LRFN5: variants seen among roughly 807,000 people sequenced by gnomAD.
LRFN5 encodes leucine-rich repeat and fibronectin type-III domain-containing protein 5.
A neutral mutation model predicts 45.6 loss-of-function variants in LRFN5; 24 were observed. The observed-to-expected ratio is 0.53, with a 90% CI of 0.38 to 0.74. The LOEUF is 0.74. Among genes scored for constraint, LRFN5 ranks in the 30% least tolerant of loss-of-function variants. LRFN5 has a pLI of 0.00. For synonymous variants in LRFN5, 340 were observed against 313.8 expected (o/e 1.08, Z -0.88); for missense variants, 776 against 861.5 (o/e 0.90, Z 1.24).
intron 1 of LRFN5, among the ~76,000 whole-genome samples, chr14:41,719,986 C>A (rs1207458526): frequency 6.6e-6 from 1 of 151,896 alleles, no homozygotes; most frequent in Non-Finnish European, 1.5e-5. Flanking sequence ...TTTTAACTTT[C>A]ATTTTAGATT....
At chr14:41,895,169 T>A (rs891268968) in intron 4 of LRFN5, among the ~76,000 whole-genome samples, 1 of 152,106 alleles carries the variant, frequency 6.6e-6, no homozygotes, top group Non-Finnish European at 1.5e-5. Context: ...TGTCCCCCAA[T>A]TGAAAATATA....
chr14:41,646,034 G>C (rs144734673), intron 1 of LRFN5, among the ~76,000 whole-genome samples: 6 of 152,124 alleles, frequency 3.9e-5, no homozygotes, highest in African/African-American at 1.4e-4. Flanking sequence ...AGTATACAGT[G>C]GTGTTTCAAT....
chr14:41,892,486 A>C, intron 4 of LRFN5: 1 of 978,710 alleles, frequency 1.0e-6, no homozygotes, highest in Middle Eastern at 5.3e-4. Context: ...TATTGCATAA[A>C]AAATGATATT....
intron 2 of LRFN5, among the ~76,000 whole-genome samples, chr14:41,840,015 C>G (rs1888804569): frequency 6.6e-6 from 1 of 152,040 alleles, no homozygotes; most frequent in Non-Finnish European, 1.5e-5. Flanking sequence ...TAACCCCAAT[C>G]TGTAAATTTA....
chr14:41,882,887 C>T (rs1376957000), intron 2 of LRFN5, among the ~76,000 whole-genome samples: 1 of 119,374 alleles, frequency 8.4e-6, no homozygotes, highest in Non-Finnish European at 1.6e-5. Context: ...CTCGTTCTGT[C>T]ACCCAGGCTG....
chr14:41,666,983 T>A (rs1880931226), intron 1 of LRFN5, among the ~76,000 whole-genome samples: 1 of 152,146 alleles, frequency 6.6e-6, no homozygotes, highest in Non-Finnish European at 1.5e-5. Context: ...TTTGTAGGAT[T>A]TTTATTGTAT....
intron 4 of LRFN5, chr14:41,892,983 A>C: frequency 1.0e-6 from 1 of 985,178 alleles, no homozygotes; most frequent in Non-Finnish European, 1.2e-6. Context: ...TATTTTTATC[A>C]CCAAGTAAAA....
At chr14:41,668,791 A>G (rs1032952364) in intron 1 of LRFN5, among the ~76,000 whole-genome samples, 1 of 152,136 alleles carries the variant, frequency 6.6e-6, no homozygotes, top group African/African-American at 2.4e-5. Context: ...CATTTTTGTA[A>G]TAATTGGATA....
At chr14:41,898,846 G>A (rs1891019432) in intron 4 of LRFN5, 71 bp from the exon 5 acceptor site, 2 of 1,372,536 alleles carry the variant, frequency 1.5e-6, no homozygotes, top group African/African-American at 1.5e-5. Flanking sequence ...CAAGATTTCA[G>A]TAAGAGGTTT....
chr14:41,682,210 C>T (rs1470878514), intron 1 of LRFN5, among the ~76,000 whole-genome samples: 1 of 151,880 alleles, frequency 6.6e-6, no homozygotes, highest in Non-Finnish European at 1.5e-5. Context: ...CGTGGCACTA[C>T]ACTCCAGTCT....
chr14:41,643,841 C>T lies in LRFN5; in HGVS notation c.-197+35279C>T, dbSNP rs147958200. The stretch of plus-strand genomic sequence containing the variant: ...TACACATGAAACCATCTTTCCCTCT[C>T]TTCCTATGGTCATGTTTTTCCTTAC... On this transcript the variant is annotated intron_variant, in intron 1 of 5. Transcript: ENST00000298119. 8.7e-3 allele frequency among the ~76,000 whole-genome samples: 1,320 copies of T among 152,250 alleles called. 10 individuals carry two copies. The highest frequency in any genetic ancestry group is 0.014 in the Non-Finnish European group (964 of 68,008).
At chr14:41,764,501 G>T (rs1287699426) in intron 1 of LRFN5, among the ~76,000 whole-genome samples, 1 of 152,018 alleles carries the variant, frequency 6.6e-6, no homozygotes, top group Non-Finnish European at 1.5e-5. Flanking sequence ...TTATAATTTA[G>T]GTAGGAATTT....
chr14:41,844,286 A>T (rs1888975610), intron 2 of LRFN5, among the ~76,000 whole-genome samples: 1 of 151,892 alleles, frequency 6.6e-6, no homozygotes, highest in Admixed American at 6.6e-5. Context: ...AAATACAAAA[A>T]ATTAGCCAGG....
intron 2 of LRFN5, among the ~76,000 whole-genome samples, chr14:41,790,531 A>G (rs972667428): frequency 6.7e-6 from 1 of 150,022 alleles, no homozygotes; most frequent in African/African-American, 2.4e-5. Context: ...TTTTCTGCTA[A>G]TTAATATTTG....
intron 1 of LRFN5, among the ~76,000 whole-genome samples, chr14:41,620,937 G>A (rs529007858): frequency 6.6e-6 from 1 of 151,138 alleles, no homozygotes; most frequent in Non-Finnish European, 1.5e-5. Context: ...GTGTATTCAG[G>A]AGGTGTTGGT....
At chr14:41,680,275 G>A (rs929441013) in intron 1 of LRFN5, among the ~76,000 whole-genome samples, 4 of 152,080 alleles carry the variant, frequency 2.6e-5, no homozygotes, top group Non-Finnish European at 2.9e-5. Flanking sequence ...AAACATAGGC[G>A]GTAGCCACGC....
intron 1 of LRFN5, among the ~76,000 whole-genome samples, chr14:41,674,895 C>T (rs186302581): frequency 0.023 from 3,545 of 151,442 alleles, 128 homozygotes; most frequent in African/African-American, 0.082. Flanking sequence ...ACGGAACGGC[C>T]GGGCAGAGAC....
chr14:41,618,580 C>A (rs1204850198), intron 1 of LRFN5, among the ~76,000 whole-genome samples: 1 of 152,106 alleles, frequency 6.6e-6, no homozygotes, highest in Non-Finnish European at 1.5e-5. Flanking sequence ...AGAAGATTGA[C>A]CCCAGGTGAG....
intron 2 of LRFN5, among the ~76,000 whole-genome samples, chr14:41,831,266 C>G (rs1174318480): frequency 4.6e-5 from 7 of 152,084 alleles, no homozygotes; most frequent in Non-Finnish European, 8.8e-5. Flanking sequence ...TCTTTGATAG[C>G]TTGTAACTTA....
Sources: gnomAD v4.1 joint callset for allele counts (sites outside exome capture counted in the v4.1 genomes callset) on GRCh38, gnomAD v4.1.1 for gene constraint, MANE v1.5 for transcripts, NCBI Gene and HGNC (gene_info 2026-07-23, HGNC 2026-07-21) for gene names.